The following TBC1D22A variants were observed in gnomAD, a reference collection of about 807,000 sequenced individuals.
TBC1D22A encodes the protein putative GTPase activator.
In TBC1D22A, 38 loss-of-function variants were observed where a neutral mutation model predicts 60.2. That is an observed-to-expected ratio of 0.63 (90% CI 0.49 to 0.83). TBC1D22A has a LOEUF of 0.83. TBC1D22A is among the 40% of genes least tolerant of loss of function. The probability of loss-of-function intolerance (pLI) is 0.00; values close to 1 mark genes in which losing one functional copy is unlikely to be tolerated. For missense variants in TBC1D22A, 628 were observed against 701.0 expected, an observed-to-expected ratio of 0.90 and a Z score of 1.18; for synonymous variants, 302 against 281.7, an observed-to-expected ratio of 1.07 and a Z score of -0.72.
chr22:47,061,265 G>A (rs946763928), intron 11 of TBC1D22A, among the ~76,000 whole-genome samples: 2 of 152,134 alleles, frequency 1.3e-5, no homozygotes, highest in Non-Finnish European at 2.9e-5. Flanking sequence ...CCTCACCACC[G>A]TTCTCTGTAA....
At chr22:46,868,914 G>T (rs1311019926) in intron 4 of TBC1D22A, among the ~76,000 whole-genome samples, 3 of 146,504 alleles carry the variant, frequency 2.0e-5, no homozygotes, top group African/African-American at 8.0e-5. Context: ...GGTGAGGTGG[G>T]GGAGCTCACT....
At chr22:47,019,184 G>C (rs940440263) in intron 10 of TBC1D22A, among the ~76,000 whole-genome samples, 1 of 152,220 alleles carries the variant, frequency 6.6e-6, no homozygotes, top group African/African-American at 2.4e-5. Context: ...CTCCCAGTGC[G>C]CTGGGTGGAG....
intron 7 of TBC1D22A, among the ~76,000 whole-genome samples, chr22:46,902,522 G>A (rs1055882257): frequency 7.9e-5 from 12 of 152,340 alleles, no homozygotes; most frequent in African/African-American, 2.2e-4. Flanking sequence ...TCCTTAGGGC[G>A]TCCTTCCTTT....
chr22:46,949,927 G>C (rs1175957700), intron 8 of TBC1D22A, among the ~76,000 whole-genome samples: 1 of 152,248 alleles, frequency 6.6e-6, no homozygotes, highest in East Asian at 1.9e-4. Flanking sequence ...CTGAGCAGGG[G>C]AGGGCTGTGC....
At chr22:47,051,485 G>A (rs1417008745) in intron 11 of TBC1D22A, among the ~76,000 whole-genome samples, 1 of 152,154 alleles carries the variant, frequency 6.6e-6, no homozygotes, top group Non-Finnish European at 1.5e-5. Flanking sequence ...GCGGACCCTG[G>A]GTGCGGCAGG....
At chr22:46,860,248 TTTG>T in intron 4 of TBC1D22A, among the ~76,000 whole-genome samples, 1 of 44,958 alleles carries the variant, frequency 2.2e-5, no homozygotes. Context: ...AGAATCCTTT[TTTG>T]ATAGAGGTCC....
intron 8 of TBC1D22A, among the ~76,000 whole-genome samples, chr22:46,955,870 A>T (rs752853533): frequency 6.6e-6 from 1 of 152,158 alleles, no homozygotes; most frequent in Admixed American, 6.5e-5. Flanking sequence ...ATAGAAGGTG[A>T]TGTGTGTGAA....
chr22:47,153,798 G>A (rs1222278052), intron 12 of TBC1D22A, among the ~76,000 whole-genome samples: 6 of 152,170 alleles, frequency 3.9e-5, no homozygotes, highest in Non-Finnish European at 2.9e-5. Flanking sequence ...TTGTTTATTG[G>A]GTGACTGGCC....
intron 12 of TBC1D22A, among the ~76,000 whole-genome samples, chr22:47,113,819 C>A (rs1275358081): frequency 1.3e-5 from 2 of 152,114 alleles, no homozygotes; most frequent in Non-Finnish European, 2.9e-5. Context: ...GCCATGAGCC[C>A]CTCAGGGTGA....
intron 8 of TBC1D22A, among the ~76,000 whole-genome samples, chr22:46,927,002 A>C (rs2071084283): frequency 6.6e-6 from 1 of 152,226 alleles, no homozygotes; most frequent in African/African-American, 2.4e-5. Flanking sequence ...AGATGACTTC[A>C]CTTGTGAATT....
intron 11 of TBC1D22A, among the ~76,000 whole-genome samples, chr22:47,092,248 C>T (rs2147624160): frequency 6.6e-6 from 1 of 152,288 alleles, no homozygotes; most frequent in South Asian, 2.1e-4. Flanking sequence ...GAGGGATGCA[C>T]TGTGCGTGGG....
rs575509592 is a variant in TBC1D22A at position 46,995,733 on chromosome 22, G to A, written c.1126-1901G>A. 5.3e-5 allele frequency among the ~76,000 whole-genome samples: 8 copies of A among 152,176 alleles called. No homozygotes were observed. In the South Asian group the frequency reaches 1.5e-3, roughly 28 times the overall value. Reference sequence around the variant, plus strand: ...CCGAGGGCTGACACCCTTGCTGTGTGCCCTGTCACCCTTCCTCCACCTGCG... The same window carrying A: ...CCGAGGGCTGACACCCTTGCTGTGTACCCTGTCACCCTTCCTCCACCTGCG... On this transcript the variant is annotated intron_variant, in intron 9 of 12. Coordinates refer to ENST00000337137, the MANE Select transcript of TBC1D22A (RefSeq NM_014346.5).
rs2083141986 is a variant in TBC1D22A, at chr22:46,762,749, GGTGTCTGGGCC to G, written c.-36_-26del. 1 of 1,412,858 alleles carries G rather than the reference GGTGTCTGGGCC, an allele frequency of 7.1e-7. No individual in the cohort carries two copies. Among genetic ancestry groups the G allele is most frequent in the African/African-American group, 1.5e-5 (1 of 65,410 alleles). 87.5% of individuals were successfully genotyped at this position (1,412,858 alleles called of 1,614,324 possible). A position where few individuals can be genotyped will look rare whatever the true frequency, so the allele number is the denominator to read the frequency against. ...CTAGGGGAGGGCCGGGTGCACTCGG[GGTGTCTGGGCC>G]GCGGGTCTGAGGGATGAGGAGGGGC... On this transcript the variant is annotated 5_prime_UTR_variant, in exon 1 of 13. Transcript: ENST00000337137.
At chr22:46,782,379 T>A (rs562247615) in intron 1 of TBC1D22A, among the ~76,000 whole-genome samples, 2 of 152,328 alleles carry the variant, frequency 1.3e-5, no homozygotes, top group East Asian at 3.9e-4. Flanking sequence ...AAAGGTTGAA[T>A]GAATGAGGCT....
At chr22:46,818,339 A>G (rs1009292628) in intron 4 of TBC1D22A, among the ~76,000 whole-genome samples, 1 of 152,140 alleles carries the variant, frequency 6.6e-6, no homozygotes, top group Non-Finnish European at 1.5e-5. Context: ...TATGTCCTGA[A>G]TGGTATTGCC....
chr22:46,902,606 C>T (rs976025540), intron 7 of TBC1D22A, among the ~76,000 whole-genome samples: 2 of 152,268 alleles, frequency 1.3e-5, no homozygotes, highest in African/African-American at 4.8e-5. Context: ...TGTCCTGGGA[C>T]AGAGCCCCGC....
rs529789234 is a variant in TBC1D22A, at chr22:47,046,696, C to T, written c.1329+9498C>T. On this transcript the variant is annotated intron_variant, in intron 11 of 12. Coordinates refer to ENST00000337137, the MANE Select transcript of TBC1D22A (RefSeq NM_014346.5). Reference sequence around the variant, plus strand: ...TCTGCCAGAGCTGCTGCTGTGATGGCGCCTGGGCCCCCTGAAGCCTCCTCC... The same window carrying T: ...TCTGCCAGAGCTGCTGCTGTGATGGTGCCTGGGCCCCCTGAAGCCTCCTCC... Among the ~76,000 whole-genome samples, 30 of 152,306 alleles carry T rather than the reference C, an allele frequency of 2.0e-4. No homozygotes were observed. In the South Asian group the frequency reaches 4.8e-3, roughly 24 times the overall value.
intron 1 of TBC1D22A, among the ~76,000 whole-genome samples, chr22:46,773,558 G>A (rs924054830): frequency 3.3e-5 from 5 of 152,124 alleles, no homozygotes; most frequent in Non-Finnish European, 5.9e-5. Flanking sequence ...TCTGCCTCCC[G>A]GGTTCAAGCA....
chr22:46,904,146 C>T (rs55676154), intron 7 of TBC1D22A, among the ~76,000 whole-genome samples: 9,334 of 44,502 alleles, frequency 0.21, 661 homozygotes, highest in African/African-American at 0.38. Context: ...TATCTATCTA[C>T]CTACCTACCT....
Sources: gnomAD v4.1 joint callset for allele counts (sites outside exome capture counted in the v4.1 genomes callset) on GRCh38, gnomAD v4.1.1 for gene constraint, MANE v1.5 for transcripts, NCBI Gene and HGNC (gene_info 2026-07-23, HGNC 2026-07-21) for gene names.